LTBP1: variants seen among roughly 807,000 people sequenced by gnomAD.
LTBP1 encodes latent transforming growth factor beta binding protein 1, also known as latent-transforming growth factor beta-binding protein 1.
LTBP1 carries 129 observed loss-of-function variants against 207.6 expected under a neutral mutation model. The ratio of observed to expected loss-of-function variants is 0.62; its 90% CI spans 0.54 to 0.72. The LOEUF is 0.72. LTBP1 is among the 30% of genes least tolerant of loss of function. The pLI is 0.00. For synonymous variants in LTBP1, 963 were observed against 833.7 expected (o/e 1.16, Z -2.67); for missense variants, 2,281 against 2,217.2 (o/e 1.03, Z -0.58).
chr2:32,947,270 G>C lies in LTBP1; in HGVS notation c.-55G>C. On this transcript the variant is annotated 5_prime_UTR_variant, in exon 1 of 34. Coordinates refer to ENST00000404816, the MANE Select transcript of LTBP1 (RefSeq NM_206943.4). ...ACGCGCGGGGAAAGGCGAGCCGCACGGCCGGGGGAGGGGGCCGGACCGCGC... is the reference window on the plus strand; with the variant it reads ...ACGCGCGGGGAAAGGCGAGCCGCACCGCCGGGGGAGGGGGCCGGACCGCGC... The C allele has an allele frequency of 8.4e-7, 1 of 1,191,384 alleles. No homozygotes were observed. Among genetic ancestry groups the C allele is most frequent in the Non-Finnish European group, 1.0e-6 (1 of 957,928 alleles). 73.8% of individuals were successfully genotyped at this position (1,191,384 alleles called of 1,614,324 possible). A position where few individuals can be genotyped will look rare whatever the true frequency, so the allele number is the denominator to read the frequency against.
intron 25 of LTBP1, among the ~76,000 whole-genome samples, chr2:33,346,238 G>T (rs556143603): frequency 1.3e-5 from 2 of 152,300 alleles, no homozygotes; most frequent in South Asian, 2.1e-4. Flanking sequence ...TTTCTCAAAG[G>T]AATATGTAAT....
chr2:33,223,298 A>G (rs2091238685), intron 9 of LTBP1, among the ~76,000 whole-genome samples: 2 of 152,202 alleles, frequency 1.3e-5, no homozygotes, highest in Admixed American at 1.3e-4. Flanking sequence ...TATGATATGT[A>G]GAGTCTTTGG....
intron 26 of LTBP1, among the ~76,000 whole-genome samples, chr2:33,358,921 C>G (rs1051468336): frequency 3.9e-5 from 6 of 152,162 alleles, no homozygotes; most frequent in African/African-American, 9.7e-5. Context: ...AAGATCCGTT[C>G]CGTTAAGAGT....
At chr2:33,095,500 T>G (rs926037944) in intron 3 of LTBP1, among the ~76,000 whole-genome samples, 1 of 152,146 alleles carries the variant, frequency 6.6e-6, no homozygotes, top group Non-Finnish European at 1.5e-5. Context: ...ATTAACATTA[T>G]TTAGAGTAAG....
intron 7 of LTBP1, among the ~76,000 whole-genome samples, chr2:33,195,955 A>T (rs965279932): frequency 1.3e-5 from 2 of 152,174 alleles, no homozygotes; most frequent in African/African-American, 4.8e-5. Context: ...AAAGGTTATG[A>T]CTCACAGAAG....
intron 27 of LTBP1, 85 bp downstream of exon 27, chr2:33,360,864 C>A: frequency 7.9e-7 from 1 of 1,260,574 alleles, no homozygotes; most frequent in Non-Finnish European, 1.1e-6. Context: ...CTCATTCCCA[C>A]AGCCAACTCA....
At chr2:33,018,730 G>A (rs1688735897) in intron 2 of LTBP1, among the ~76,000 whole-genome samples, 1 of 152,152 alleles carries the variant, frequency 6.6e-6, no homozygotes, top group South Asian at 2.1e-4. Context: ...CAGAGTGTGG[G>A]AACAGCCTTT....
At chr2:33,324,615 T>C (rs2094402261) in intron 24 of LTBP1, among the ~76,000 whole-genome samples, 1 of 152,086 alleles carries the variant, frequency 6.6e-6, no homozygotes, top group South Asian at 2.1e-4. Context: ...ATATATAACA[T>C]GCAGATTAAA....
chr2:32,986,650 G>A (rs550314109), intron 2 of LTBP1, among the ~76,000 whole-genome samples: 8 of 152,314 alleles, frequency 5.3e-5, no homozygotes, highest in African/African-American at 1.9e-4. Context: ...TCTAAGCACA[G>A]CACCTGTGGG....
chr2:33,020,183 G>A (rs996734356), intron 2 of LTBP1, among the ~76,000 whole-genome samples: 5 of 152,078 alleles, frequency 3.3e-5, no homozygotes, highest in South Asian at 2.1e-4. Flanking sequence ...TGTTTTGGGC[G>A]ACTCTCAACC....
intron 3 of LTBP1, among the ~76,000 whole-genome samples, chr2:33,098,375 C>G (rs1336015647): frequency 6.6e-6 from 1 of 152,130 alleles, no homozygotes; most frequent in Non-Finnish European, 1.5e-5. Flanking sequence ...TTTTCATGTG[C>G]ATTGCAGATA....
chr2:32,988,343 A>G (rs930401120), intron 2 of LTBP1, among the ~76,000 whole-genome samples: 5 of 152,200 alleles, frequency 3.3e-5, no homozygotes, highest in African/African-American at 1.2e-4. Context: ...TGCACCTGCT[A>G]CAGTTTTCTG....
chr2:33,359,563 C>T (rs2094903065), intron 26 of LTBP1, among the ~76,000 whole-genome samples: 1 of 152,208 alleles, frequency 6.6e-6, no homozygotes, highest in South Asian at 2.1e-4. Context: ...GAGTTTGAGT[C>T]CCAAGAATCT....
intron 31 of LTBP1, among the ~76,000 whole-genome samples, chr2:33,370,985 G>A (rs898967509): frequency 6.6e-6 from 1 of 152,230 alleles, no homozygotes; most frequent in Non-Finnish European, 1.5e-5. Flanking sequence ...ACATCTGAGA[G>A]TACTGGTAGG....
At chr2:33,117,614 G>C (rs1013498648) in intron 4 of LTBP1, among the ~76,000 whole-genome samples, 2 of 152,208 alleles carry the variant, frequency 1.3e-5, no homozygotes, top group African/African-American at 4.8e-5. Context: ...GGACAGGTCT[G>C]CTTATGCCAG....
At chr2:33,199,939 A>G (rs1384157481) in intron 7 of LTBP1, among the ~76,000 whole-genome samples, 3 of 152,346 alleles carry the variant, frequency 2.0e-5, no homozygotes, top group East Asian at 3.9e-4. Flanking sequence ...GACCTCTTCA[A>G]GGAGAACTAC....
Position 33,182,699 on chromosome 2 carries a change from TACACACACAC to T in LTBP1, c.1202-4129_1202-4120del, listed in dbSNP as rs377663333. Among the ~76,000 whole-genome samples the T allele has an allele frequency of 7.6e-5, 6 of 78,846 alleles. 2 individuals carry two copies. The highest frequency in any genetic ancestry group is 7.7e-4 in the South Asian group (2 of 2,590). 51.7% of individuals were successfully genotyped at this position (78,846 alleles called of 152,430 possible). On this transcript the variant is annotated intron_variant, in intron 5 of 33. Transcript: ENST00000404816. ...AAGAAAAGATGGTGATATATATATA[TACACACACAC>T]ACACACACACACACACACACACACA...
At chr2:33,048,472 A>G (rs543234698) in intron 3 of LTBP1, among the ~76,000 whole-genome samples, 47 of 152,368 alleles carry the variant, frequency 3.1e-4, no homozygotes, top group African/African-American at 1.1e-3. Context: ...GCCTAATAGC[A>G]TTGCTTTCCA....
intron 19 of LTBP1, among the ~76,000 whole-genome samples, chr2:33,282,787 A>G (rs2093585364): frequency 6.6e-6 from 1 of 152,168 alleles, no homozygotes; most frequent in South Asian, 2.1e-4. Flanking sequence ...AAAATAGGCC[A>G]GGCACGGTGG....
Sources: gnomAD v4.1 joint callset for allele counts (sites outside exome capture counted in the v4.1 genomes callset) on GRCh38, gnomAD v4.1.1 for gene constraint, MANE v1.5 for transcripts, NCBI Gene and HGNC (gene_info 2026-07-23, HGNC 2026-07-21) for gene names.